Variants in ASTN2 observed in about 807,000 individuals in gnomAD.
The protein encoded by ASTN2 is astrotactin 2.
A neutral mutation model predicts 139.8 loss-of-function variants in ASTN2; 54 were observed. That is an observed-to-expected ratio of 0.39 (90% CI 0.31 to 0.48). The LOEUF is 0.48. Among genes scored for constraint, ASTN2 ranks in the 20% least tolerant of loss-of-function variants. The pLI, the probability that ASTN2 is intolerant of heterozygous loss-of-function variation, is 0.95. For missense variants in ASTN2, 1,565 were observed against 1,725.1 expected (o/e 0.91, Z 1.64); for synonymous variants, 756 against 719.5 (o/e 1.05, Z -0.81).
intron 19 of ASTN2, among the ~76,000 whole-genome samples, chr9:116,521,405 C>G (rs371205135): frequency 2.0e-5 from 3 of 151,948 alleles, no homozygotes; most frequent in East Asian, 3.9e-4. Context: ...AAAAGGACAC[C>G]CTATTCAGTA....
chr9:117,055,741 G>A (rs138243534), intron 5 of ASTN2, among the ~76,000 whole-genome samples: 1 of 152,328 alleles, frequency 6.6e-6, no homozygotes, highest in East Asian at 1.9e-4. Context: ...GATTAGATTT[G>A]GAGAAAAGGA....
chr9:116,425,059 A>C lies in ASTN2; in HGVS notation c.*792T>G, dbSNP rs1228348883. Among the ~76,000 whole-genome samples the C allele has an allele frequency of 6.6e-6, 1 of 151,258 alleles. No individual in the cohort carries two copies. The highest frequency in any genetic ancestry group is 1.9e-4 in the East Asian group (1 of 5,146). The stretch of plus-strand genomic sequence containing the variant: ...CTCTAGCACAGCTTGAAATGACCAG[A>C]CTCCTTCTCTATAATTTCCACTGGG... On this transcript the variant is annotated 3_prime_UTR_variant, in exon 23 of 23. Coordinates refer to ENST00000313400, the MANE Select transcript of ASTN2 (RefSeq NM_001365068.1).
chr9:116,523,478 A>T (rs1850966096), intron 19 of ASTN2, among the ~76,000 whole-genome samples: 1 of 152,168 alleles, frequency 6.6e-6, no homozygotes, highest in Non-Finnish European at 1.5e-5. Flanking sequence ...GAGCATGGTG[A>T]TCTTGAATAG....
chr9:117,129,493 G>A (rs1202660504), intron 4 of ASTN2, among the ~76,000 whole-genome samples: 1 of 152,144 alleles, frequency 6.6e-6, no homozygotes, highest in East Asian at 1.9e-4. Context: ...TCCATAAACA[G>A]AATTTCTCTC....
chr9:117,070,714 T>C (rs1317263645), intron 5 of ASTN2, among the ~76,000 whole-genome samples: 6 of 149,006 alleles, frequency 4.0e-5, no homozygotes, highest in Non-Finnish European at 9.0e-5. Flanking sequence ...CATTTCTTTT[T>C]ATTCTTTTTT....
At chr9:116,802,774 T>G (rs573216378) in intron 13 of ASTN2, among the ~76,000 whole-genome samples, 95 of 152,308 alleles carry the variant, frequency 6.2e-4, no homozygotes, top group Admixed American at 9.1e-4. Context: ...TTCTCATGGG[T>G]GGGGCTGGGA....
At chr9:117,365,337 G>GA (rs1294245000) in intron 1 of ASTN2, among the ~76,000 whole-genome samples, 2 of 147,606 alleles carry the variant, frequency 1.4e-5, no homozygotes, top group African/African-American at 5.3e-5. Flanking sequence ...AAGAAAGAAA[G>GA]AGAGAAAAGA....
At position 116,713,434 on chromosome 9, in the gene ASTN2, G is replaced by A. The variant is rs561455673; in HGVS notation, c.2806+12337C>T. Reference sequence around the variant, plus strand: ...ATGGTGAAGTTGATCTCTAAGGCCCGTCTCAGAGCTGGCACTCTGACTCAG... The same window carrying A: ...ATGGTGAAGTTGATCTCTAAGGCCCATCTCAGAGCTGGCACTCTGACTCAG... On this transcript the variant is annotated intron_variant, in intron 16 of 22. Transcript: ENST00000313400. Among the ~76,000 whole-genome samples, 10 of 152,230 alleles carry A rather than the reference G, an allele frequency of 6.6e-5. No individual in the cohort carries two copies. In the East Asian group the frequency reaches 1.7e-3, roughly 27 times the overall value.
chr9:116,738,502 T>C (rs1372071750), intron 13 of ASTN2, among the ~76,000 whole-genome samples: 1 of 151,278 alleles, frequency 6.6e-6, no homozygotes, highest in Non-Finnish European at 1.5e-5. Flanking sequence ...GACTATGTGT[T>C]GGGTACAGTG....
intron 16 of ASTN2, among the ~76,000 whole-genome samples, chr9:116,666,395 A>T (rs977645135): frequency 6.6e-6 from 1 of 152,176 alleles, no homozygotes; most frequent in Non-Finnish European, 1.5e-5. Context: ...TAAATTATGA[A>T]TGCCATTAAC....
chr9:116,887,219 T>C (rs114608396), intron 10 of ASTN2, among the ~76,000 whole-genome samples: 77 of 152,164 alleles, frequency 5.1e-4, no homozygotes, highest in African/African-American at 1.8e-3. Flanking sequence ...GAGTACTAGC[T>C]AGGTGAGACA....
rs181376507 is a variant in ASTN2, at chr9:117,213,132, C to A, written c.1015+1226G>T. 3.3e-5 allele frequency among the ~76,000 whole-genome samples: 5 copies of A among 152,172 alleles called. No homozygotes were observed. The East Asian group carries it at 9.7e-4, about 29-fold the overall frequency. Reference sequence around the variant, plus strand: ...AAGAATGAAATCCTTTCATTTATGGCGACCTTGATGGAACTGAAGAACATT... The same window carrying A: ...AAGAATGAAATCCTTTCATTTATGGAGACCTTGATGGAACTGAAGAACATT... On this transcript the variant is annotated intron_variant, in intron 3 of 22. Coordinates refer to ENST00000313400, the MANE Select transcript of ASTN2 (RefSeq NM_001365068.1).
At chr9:117,248,724 G>C (rs1833454295) in intron 2 of ASTN2, among the ~76,000 whole-genome samples, 1 of 152,232 alleles carries the variant, frequency 6.6e-6, no homozygotes, top group Admixed American at 6.5e-5. Context: ...TGATCAAAAA[G>C]CAGAAGGGTG....
At chr9:116,770,267 T>C (rs186899122) in intron 13 of ASTN2, among the ~76,000 whole-genome samples, 175 of 152,238 alleles carry the variant, frequency 1.1e-3, no homozygotes, top group Non-Finnish European at 3.5e-4. Context: ...TGCAGATGGC[T>C]ATTCCCAAGG....
chr9:116,880,586 A>C (rs551282755), intron 10 of ASTN2, among the ~76,000 whole-genome samples: 1 of 152,300 alleles, frequency 6.6e-6, no homozygotes, highest in East Asian at 1.9e-4. Flanking sequence ...CAGTTTCCTC[A>C]TCTGTGAACA....
rs184117914 is a variant in ASTN2 at position 117,087,680 on chromosome 9, T to C, written c.1276+8364A>G. 5.6e-3 allele frequency among the ~76,000 whole-genome samples: 847 copies of C among 152,312 alleles called. 7 individuals carry two copies. Among genetic ancestry groups the C allele is most frequent in the African/African-American group, 0.02 (817 of 41,562 alleles). ...CACTCGGCTAAGCATTTCCTCTGCT[T>C]ATGTTATCTCATTTAATCCTCATAA... On this transcript the variant is annotated intron_variant, in intron 5 of 22. Coordinates refer to ENST00000313400, the MANE Select transcript of ASTN2 (RefSeq NM_001365068.1).
intron 13 of ASTN2, among the ~76,000 whole-genome samples, chr9:116,796,080 C>G (rs1830680041): frequency 1.3e-5 from 2 of 152,190 alleles, no homozygotes; most frequent in Admixed American, 1.3e-4. Flanking sequence ...TGGCAGCCCT[C>G]TATGGCACGT....
At chr9:116,676,935 C>G (rs1284096862) in intron 16 of ASTN2, among the ~76,000 whole-genome samples, 1 of 152,164 alleles carries the variant, frequency 6.6e-6, no homozygotes, top group East Asian at 1.9e-4. Flanking sequence ...AAAGAAACTA[C>G]TTACCATGTC....
At chr9:116,638,660 G>C (rs928788613) in intron 17 of ASTN2, among the ~76,000 whole-genome samples, 2 of 152,104 alleles carry the variant, frequency 1.3e-5, no homozygotes, top group Admixed American at 1.3e-4. Flanking sequence ...CAGGTTGTGG[G>C]GAACTCTGCA....
Sources: gnomAD v4.1 joint callset for allele counts (sites outside exome capture counted in the v4.1 genomes callset) on GRCh38, gnomAD v4.1.1 for gene constraint, MANE v1.5 for transcripts, NCBI Gene and HGNC (gene_info 2026-07-23, HGNC 2026-07-21) for gene names.